The following EYS variants were observed in gnomAD, a reference collection of about 807,000 sequenced individuals.
EYS encodes the protein protein eyes shut homolog.
A neutral mutation model predicts 282.1 loss-of-function variants in EYS; 250 were observed. The observed-to-expected ratio is 0.89, with a 90% CI of 0.80 to 0.98. The LOEUF (loss-of-function observed/expected upper bound fraction) is 0.98, where lower values mean the gene tolerates loss of function less well. Ranked by LOEUF, EYS falls within the 50% of genes least tolerant of loss-of-function variation. The probability of loss-of-function intolerance (pLI) is 0.00; values close to 1 mark genes in which losing one functional copy is unlikely to be tolerated. For synonymous variants in EYS, 1,355 were observed against 1,282.9 expected (o/e 1.06, Z -1.20); for missense variants, 4,016 against 3,709.0 (o/e 1.08, Z -2.15).
At chr6:63,900,083 T>C (rs1200421912) in intron 35 of EYS, among the ~76,000 whole-genome samples, 1 of 152,214 alleles carries the variant, frequency 6.6e-6, no homozygotes, top group African/African-American at 2.4e-5. Flanking sequence ...GTTTGCTTTG[T>C]ACCTTCCTAT....
chr6:65,396,679 C>T lies in EYS; in HGVS notation c.1184+5799G>A, dbSNP rs567309989. Among the ~76,000 whole-genome samples, 4 of 152,130 alleles carry T rather than the reference C, an allele frequency of 2.6e-5. No homozygotes were observed. In the South Asian group the frequency reaches 8.3e-4, roughly 31 times the overall value. On this transcript the variant is annotated intron_variant, in intron 7 of 42. Coordinates refer to ENST00000503581, the MANE Select transcript of EYS (RefSeq NM_001142800.2). ...GCTGAACTTACTTTAAATCCATGTT[C>T]GCTAACTTCAAGGAGATGCTGTAGC...
intron 26 of EYS, among the ~76,000 whole-genome samples, chr6:64,475,079 C>A (rs1776220463): frequency 6.6e-6 from 1 of 152,132 alleles, no homozygotes; most frequent in Non-Finnish European, 1.5e-5. Flanking sequence ...ATTAAGTCAG[C>A]AGAATACTAT....
intron 35 of EYS, among the ~76,000 whole-genome samples, chr6:63,877,978 G>A (rs549129174): frequency 8.5e-5 from 13 of 152,168 alleles, no homozygotes; most frequent in South Asian, 2.1e-4. Context: ...CTCTCAACTC[G>A]TCAAAATAAT....
intron 31 of EYS, among the ~76,000 whole-genome samples, chr6:64,094,166 A>G (rs1430412427): frequency 6.6e-6 from 1 of 152,000 alleles, no homozygotes; most frequent in East Asian, 1.9e-4. Context: ...CCAGTATTTT[A>G]TTGAGGATTT....
At chr6:64,028,986 T>A (rs1019338860) in intron 33 of EYS, among the ~76,000 whole-genome samples, 2 of 152,160 alleles carry the variant, frequency 1.3e-5, no homozygotes, top group African/African-American at 2.4e-5. Flanking sequence ...ATTAAAACAG[T>A]TGAGGGGGTT....
chr6:65,405,550 C>A (rs1361237769), intron 5 of EYS, among the ~76,000 whole-genome samples, 183 bp from the exon 6 acceptor site: 2 of 151,962 alleles, frequency 1.3e-5, no homozygotes, highest in Non-Finnish European at 2.9e-5. Flanking sequence ...TCTACAGTAA[C>A]TTTTGCAAAT....
chr6:65,108,044 C>A (rs1480102578), intron 12 of EYS, among the ~76,000 whole-genome samples: 1 of 151,852 alleles, frequency 6.6e-6, no homozygotes, highest in Non-Finnish European at 1.5e-5. Flanking sequence ...AAAATAAGAA[C>A]AAGGGAAAAT....
intron 12 of EYS, among the ~76,000 whole-genome samples, chr6:65,129,272 T>C (rs940673171): frequency 6.6e-6 from 1 of 152,016 alleles, no homozygotes; most frequent in African/African-American, 2.4e-5. Flanking sequence ...AAAGTATTTA[T>C]GGCTAAATCC....
intron 28 of EYS, among the ~76,000 whole-genome samples, chr6:64,395,469 C>T (rs192902265): frequency 1.3e-3 from 204 of 152,246 alleles, no homozygotes; most frequent in African/African-American, 4.6e-3. Context: ...ATGATGAGTT[C>T]GTGTCCTTTG....
At chr6:64,485,642 C>T (rs1361641317) in intron 26 of EYS, among the ~76,000 whole-genome samples, 1 of 151,424 alleles carries the variant, frequency 6.6e-6, no homozygotes, top group African/African-American at 2.4e-5. Flanking sequence ...AATCATTTCA[C>T]TTAGAAAATC....
intron 41 of EYS, among the ~76,000 whole-genome samples, chr6:63,746,747 G>C (rs893087719): frequency 6.6e-6 from 1 of 152,152 alleles, no homozygotes; most frequent in African/African-American, 2.4e-5. Flanking sequence ...ATGGTAGTTT[G>C]TATTTCTGTG....
chr6:63,971,568 A>G (rs1195577866), intron 35 of EYS, among the ~76,000 whole-genome samples: 1 of 152,180 alleles, frequency 6.6e-6, no homozygotes, highest in East Asian at 1.9e-4. Context: ...TCATGCATAT[A>G]AATATTTGTG....
At chr6:65,558,791 G>C (rs1221276137) in intron 2 of EYS, among the ~76,000 whole-genome samples, 2 of 152,170 alleles carry the variant, frequency 1.3e-5, no homozygotes, top group Admixed American at 1.3e-4. Context: ...CCTATGTCTG[G>C]AGAACACACA....
At chr6:64,131,029 G>T (rs188928322) in intron 31 of EYS, among the ~76,000 whole-genome samples, 1 of 151,892 alleles carries the variant, frequency 6.6e-6, no homozygotes, top group Non-Finnish European at 1.5e-5. Context: ...CACCATGCCC[G>T]GCTAATTTTT....
intron 30 of EYS, among the ~76,000 whole-genome samples, chr6:64,285,475 T>C (rs1768465552): frequency 6.6e-6 from 1 of 152,184 alleles, no homozygotes; most frequent in African/African-American, 2.4e-5. Flanking sequence ...TCCATATCAT[T>C]ATCAGTATTT....
chr6:65,149,694 C>T (rs1280290281), intron 12 of EYS, among the ~76,000 whole-genome samples: 1 of 152,146 alleles, frequency 6.6e-6, no homozygotes, highest in African/African-American at 2.4e-5. Context: ...ATGTTTCTGT[C>T]TTCTTCTGAG....
chr6:64,692,896 C>T (rs1178457905), intron 22 of EYS, among the ~76,000 whole-genome samples: 2 of 144,494 alleles, frequency 1.4e-5, no homozygotes, highest in Admixed American at 1.4e-4. Context: ...TACAGCTGCT[C>T]TGTAGTACAG....
At chr6:64,859,532 G>A (rs938612537) in intron 19 of EYS, among the ~76,000 whole-genome samples, 2 of 152,102 alleles carry the variant, frequency 1.3e-5, no homozygotes, top group African/African-American at 2.4e-5. Flanking sequence ...GGAGGGACCT[G>A]ATGGGAAGTA....
intron 2 of EYS, among the ~76,000 whole-genome samples, chr6:65,519,228 T>A (rs1767254422): frequency 6.6e-6 from 1 of 152,016 alleles, no homozygotes; most frequent in African/African-American, 2.4e-5. Flanking sequence ...GGATTGTGGA[T>A]GTTTATCAAT....
Sources: allele counts gnomAD v4.1 joint callset (sites outside exome capture counted in the v4.1 genomes callset), GRCh38; gene constraint gnomAD v4.1.1; transcripts MANE v1.5; gene names NCBI Gene and HGNC (gene_info 2026-07-23, HGNC 2026-07-21).